Variants in C8orf88 observed in about 807,000 individuals in gnomAD.
C8orf88 encodes the protein uncharacterized protein C8orf88.
Under a neutral mutation model 18.4 loss-of-function variants are expected in C8orf88, and 14 were observed. That is an observed-to-expected ratio of 0.76 (90% CI 0.50 to 1.19). The LOEUF (loss-of-function observed/expected upper bound fraction) is 1.19, where lower values mean the gene tolerates loss of function less well. Ranked by LOEUF, C8orf88 falls within the 50% of genes most tolerant of loss-of-function variation. The probability of loss-of-function intolerance (pLI) is 0.00; values close to 1 mark genes in which losing one functional copy is unlikely to be tolerated. For synonymous variants in C8orf88, 45 were observed against 42.9 expected, an observed-to-expected ratio of 1.05 and a Z score of -0.19; for missense variants, 116 against 134.7, an observed-to-expected ratio of 0.86 and a Z score of 0.69.
chr8:90,984,642 T>C (rs951973276), intron 1 of C8orf88, among the ~76,000 whole-genome samples: 7 of 152,206 alleles, frequency 4.6e-5, no homozygotes, highest in African/African-American at 1.7e-4. Flanking sequence ...GGGCTAAAGC[T>C]GTCCAGGTAA....
intron 2 of C8orf88, 109 bp from the exon 3 acceptor site, chr8:90,978,761 TGTTCTGATA>T: frequency 1.8e-6 from 1 of 544,396 alleles, no homozygotes; most frequent in Non-Finnish European, 3.1e-6. Flanking sequence ...TTTTGAAATG[TGTTCTGATA>T]GTTCATTTAT....
rs764808870 is a variant in C8orf88 at position 90,970,747 on chromosome 8, G to A, written c.223+319C>T. 4.6e-4 allele frequency among the ~76,000 whole-genome samples: 70 copies of A among 152,042 alleles called. 1 individual carries two copies. Among genetic ancestry groups the A allele is most frequent in the Non-Finnish European group, 6.3e-4 (43 of 67,966 alleles). The stretch of plus-strand genomic sequence containing the variant: ...CTTGGGACCATGAGATGGAAGCCAT[G>A]TGTTGAGGATGGCATAGCAATAAGA... On this transcript the variant is annotated intron_variant, in intron 4 of 5. Transcript: ENST00000517562.
chr8:90,969,928 A>T (rs1467212521), intron 4 of C8orf88, among the ~76,000 whole-genome samples: 2 of 151,990 alleles, frequency 1.3e-5, no homozygotes, highest in Non-Finnish European at 2.9e-5. Context: ...GAATAGGATA[A>T]TGGAGTATTC....
At chr8:90,971,703 T>C (rs1811286134) in intron 3 of C8orf88, among the ~76,000 whole-genome samples, 1 of 151,864 alleles carries the variant, frequency 6.6e-6, no homozygotes, top group Admixed American at 6.6e-5. Context: ...GTGCAGAGTT[T>C]TTCCAGTCTC....
Position 90,960,768 on chromosome 8 carries a change from CA to C in C8orf88, c.303del (p.Asp102IlefsTer35). On this transcript the variant is annotated frameshift_variant, in exon 5 of 6. Transcript: ENST00000517562. LOFTEE classifies it high-confidence loss of function. ...SICRKKPDFL[P>X]DHPIVLQKPE... Reference sequence around the variant, plus strand: ...GGTTTTTGCAGTACAATGGGATGATCAGGCAGAAAGTCTGGTTTTTTTCTGC... The same window carrying C: ...GGTTTTTGCAGTACAATGGGATGATCGGCAGAAAGTCTGGTTTTTTTCTGC... 1 of 1,530,584 alleles carries C rather than the reference CA, an allele frequency of 6.5e-7. No homozygotes were observed. The highest frequency in any genetic ancestry group is 8.7e-7 in the Non-Finnish European group (1 of 1,143,008). 94.8% of individuals were successfully genotyped at this position (1,530,584 alleles called of 1,614,324 possible).
At chr8:90,970,236 T>G (rs1487959942) in intron 4 of C8orf88, among the ~76,000 whole-genome samples, 1 of 151,834 alleles carries the variant, frequency 6.6e-6, no homozygotes, top group African/African-American at 2.4e-5. Flanking sequence ...GGTGAAGAAG[T>G]GAAGAAACTG....
intron 3 of C8orf88, among the ~76,000 whole-genome samples, chr8:90,976,254 G>C (rs1341676785): frequency 6.6e-6 from 1 of 152,046 alleles, no homozygotes; most frequent in African/African-American, 2.4e-5. Context: ...TTGAACAAAT[G>C]AGTTCACCTT....
chr8:90,976,661 T>C (rs1419743685), intron 3 of C8orf88, among the ~76,000 whole-genome samples: 1 of 151,970 alleles, frequency 6.6e-6, no homozygotes, highest in Non-Finnish European at 1.5e-5. Context: ...AGAACAGATA[T>C]ATCTATATGA....
intron 3 of C8orf88, among the ~76,000 whole-genome samples, chr8:90,972,305 G>A (rs904662306): frequency 6.6e-6 from 1 of 151,892 alleles, no homozygotes; most frequent in Non-Finnish European, 1.5e-5. Flanking sequence ...TCAAGTTTTA[G>A]TAGAGCTTTT....
intron 4 of C8orf88, among the ~76,000 whole-genome samples, chr8:90,966,509 T>TAAA (rs1563552523): frequency 6.9e-6 from 1 of 144,496 alleles, no homozygotes; most frequent in Non-Finnish European, 1.5e-5. Context: ...ATAATAATAA[T>TAAA]AATAATAATA....
At chr8:90,960,916 T>C (rs958869372) in intron 4 of C8orf88, 68 bp from the exon 5 acceptor site, 5 of 845,650 alleles carry the variant, frequency 5.9e-6, no homozygotes, top group African/African-American at 3.4e-5. Flanking sequence ...TTTTGGTTCA[T>C]TTCTTTCTGG....
At chr8:90,969,870 C>T (rs376788503) in intron 4 of C8orf88, among the ~76,000 whole-genome samples, 38 of 151,548 alleles carry the variant, frequency 2.5e-4, no homozygotes, top group East Asian at 1.2e-3. Context: ...AAGTCCACTC[C>T]GGAAAAAAAG....
chr8:90,976,638 G>C (rs1216052869), intron 3 of C8orf88, among the ~76,000 whole-genome samples: 1 of 151,780 alleles, frequency 6.6e-6, no homozygotes, highest in Non-Finnish European at 1.5e-5. Flanking sequence ...CACTAGAACA[G>C]AATAAAGAGC....
chr8:90,959,757 C>A (rs979054258), intron 5 of C8orf88, among the ~76,000 whole-genome samples: 3 of 151,040 alleles, frequency 2.0e-5, no homozygotes, highest in African/African-American at 4.8e-5. Context: ...TGTTTATCTC[C>A]CATTCGAACT....
intron 4 of C8orf88, among the ~76,000 whole-genome samples, chr8:90,969,948 T>A (rs571842749): frequency 6.6e-6 from 1 of 152,034 alleles, no homozygotes; most frequent in South Asian, 2.1e-4. Flanking sequence ...CTGAAAGGAA[T>A]GTCCCATGTA....
intron 3 of C8orf88, among the ~76,000 whole-genome samples, chr8:90,976,163 G>A (rs959064104): frequency 6.6e-5 from 10 of 151,886 alleles, no homozygotes; most frequent in African/African-American, 1.9e-4. Context: ...TATTGCAAGG[G>A]GATATAAGGA....
chr8:90,975,318 A>G (rs1359113308), intron 3 of C8orf88, among the ~76,000 whole-genome samples: 1 of 152,172 alleles, frequency 6.6e-6, no homozygotes, highest in South Asian at 2.1e-4. Context: ...CAATATTGAC[A>G]TAAAGATAGA....
intron 3 of C8orf88, 83 bp from the exon 4 acceptor site, chr8:90,971,224 CTAA>C: frequency 1.5e-6 from 1 of 687,634 alleles, no homozygotes; most frequent in Non-Finnish European, 2.3e-6. Flanking sequence ...AAATATTTTC[CTAA>C]TAATAAATGC....
At chr8:90,970,768 T>C (rs928874413) in intron 4 of C8orf88, among the ~76,000 whole-genome samples, 2 of 151,962 alleles carry the variant, frequency 1.3e-5, no homozygotes, top group African/African-American at 4.8e-5. Context: ...GGCATAGCAA[T>C]AAGATAACAG....
Sources: gnomAD v4.1 joint callset for allele counts (sites outside exome capture counted in the v4.1 genomes callset) on GRCh38, gnomAD v4.1.1 for gene constraint, MANE v1.5 for transcripts, NCBI Gene and HGNC (gene_info 2026-07-23, HGNC 2026-07-21) for gene names.